Variants in PPM1H observed in about 807,000 individuals in gnomAD.
The protein encoded by PPM1H is protein phosphatase, Mg2+/Mn2+ dependent 1H.
In PPM1H, 27 loss-of-function variants were observed where a neutral mutation model predicts 54.9. The ratio of observed to expected loss-of-function variants is 0.49; its 90% CI spans 0.36 to 0.68. PPM1H has a LOEUF of 0.68. PPM1H is among the 30% of genes least tolerant of loss of function. The probability of loss-of-function intolerance (pLI) is 0.00; values close to 1 mark genes in which losing one functional copy is unlikely to be tolerated. For synonymous variants in PPM1H, 305 were observed against 270.8 expected (o/e 1.13, Z -1.24); for missense variants, 596 against 667.8 (o/e 0.89, Z 1.19).
chr12:62,757,258 T>G (rs1226209290), intron 4 of PPM1H, among the ~76,000 whole-genome samples: 1 of 151,972 alleles, frequency 6.6e-6, no homozygotes, highest in Admixed American at 6.5e-5. Context: ...AAATCAGGAG[T>G]GTGATTTTTG....
intron 4 of PPM1H, among the ~76,000 whole-genome samples, chr12:62,754,336 C>T (rs988703578): frequency 2.6e-5 from 4 of 152,092 alleles, no homozygotes; most frequent in Non-Finnish European, 4.4e-5. Context: ...GAGGCTGAGA[C>T]GGGAGGATCA....
intron 4 of PPM1H, chr12:62,755,081 G>C (rs983145177): frequency 2.8e-6 from 1 of 356,622 alleles, no homozygotes; most frequent in Non-Finnish European, 5.4e-6. Flanking sequence ...GCCAGTGATC[G>C]TCTTTGGATG....
intron 1 of PPM1H, among the ~76,000 whole-genome samples, chr12:62,886,608 C>T (rs1870598794): frequency 6.6e-6 from 1 of 152,130 alleles, no homozygotes; most frequent in Admixed American, 6.6e-5. Context: ...CCAGAAATGT[C>T]AATCAATCAG....
chr12:62,659,031 A>T (rs2075864147), intron 9 of PPM1H: 4 of 725,856 alleles, frequency 5.5e-6, no homozygotes, highest in South Asian at 5.4e-5. Flanking sequence ...CATGCTGCCC[A>T]GTGGCTTCCG....
intron 5 of PPM1H, among the ~76,000 whole-genome samples, chr12:62,729,077 G>T (rs2076305928): frequency 6.6e-6 from 1 of 152,166 alleles, no homozygotes; most frequent in African/African-American, 2.4e-5. Flanking sequence ...CATATGCTAA[G>T]TACCAGGGAC....
At chr12:62,738,921 A>AC (rs2076365491) in intron 4 of PPM1H, among the ~76,000 whole-genome samples, 1 of 130,298 alleles carries the variant, frequency 7.7e-6, no homozygotes, top group Non-Finnish European at 1.6e-5. Flanking sequence ...TCATGACCCC[A>AC]CCCCCAACCC....
intron 1 of PPM1H, among the ~76,000 whole-genome samples, chr12:62,925,283 A>G (rs1193490688): frequency 6.6e-5 from 10 of 152,102 alleles, no homozygotes; most frequent in Admixed American, 6.5e-4. Flanking sequence ...AAAGAAATAA[A>G]ATAACAGGGA....
At chr12:62,763,929 C>G (rs1047521634) in intron 4 of PPM1H, among the ~76,000 whole-genome samples, 4 of 152,150 alleles carry the variant, frequency 2.6e-5, no homozygotes, top group African/African-American at 9.7e-5. Flanking sequence ...GAGCCGACGT[C>G]CTAAGATAGA....
chr12:62,878,017 C>G (rs764082136), intron 1 of PPM1H, among the ~76,000 whole-genome samples: 14 of 151,750 alleles, frequency 9.2e-5, no homozygotes, highest in Non-Finnish European at 2.1e-4. Flanking sequence ...CCTGTCTCAG[C>G]CTCCTGAGTT....
At chr12:62,841,588 T>C (rs1187004000) in intron 1 of PPM1H, among the ~76,000 whole-genome samples, 1 of 152,176 alleles carries the variant, frequency 6.6e-6, no homozygotes, top group African/African-American at 2.4e-5. Context: ...TTATCTGAAA[T>C]TGTTTTTGCA....
At chr12:62,663,047 G>T (rs1433908958) in intron 9 of PPM1H, among the ~76,000 whole-genome samples, 1 of 152,032 alleles carries the variant, frequency 6.6e-6, no homozygotes, top group Admixed American at 6.6e-5. Context: ...CTGTTAATGA[G>T]CACAGCTTTG....
At position 62,655,816 on chromosome 12, in the gene PPM1H, A is replaced by G. The variant is rs541649374; in HGVS notation, c.1398-7180T>C. On this transcript the variant is annotated intron_variant, in intron 9 of 9. Transcript: ENST00000228705. ...AACTGCGGAGGAGTTTGAAATGCCC[A>G]CTCCTAATGAAGAGTCTCCCCAGGA... 3.3e-5 allele frequency among the ~76,000 whole-genome samples: 5 copies of G among 152,190 alleles called. No homozygotes were observed. The East Asian group carries it at 5.8e-4, about 18-fold the overall frequency.
intron 4 of PPM1H, among the ~76,000 whole-genome samples, chr12:62,771,661 T>C (rs1242061576): frequency 2.0e-5 from 3 of 152,224 alleles, no homozygotes; most frequent in African/African-American, 7.2e-5. Context: ...GCAGAAATAA[T>C]ATATTGATAA....
At chr12:62,797,455 A>C (rs576342766) in intron 3 of PPM1H, among the ~76,000 whole-genome samples, 223 of 152,224 alleles carry the variant, frequency 1.5e-3, no homozygotes, top group Non-Finnish European at 2.8e-3. Context: ...CCTAAAGGAC[A>C]TCTAGAAACA....
At chr12:62,879,192 TC>T (rs1870301807) in intron 1 of PPM1H, among the ~76,000 whole-genome samples, 1 of 152,182 alleles carries the variant, frequency 6.6e-6, no homozygotes, top group Non-Finnish European at 1.5e-5. Context: ...CTATTTTCCT[TC>T]TCTATCCTCC....
intron 1 of PPM1H, among the ~76,000 whole-genome samples, chr12:62,865,365 G>A (rs987903147): frequency 6.6e-6 from 1 of 151,968 alleles, no homozygotes; most frequent in African/African-American, 2.4e-5. Context: ...CCCCATCACC[G>A]TCACTGTCTG....
intron 6 of PPM1H, among the ~76,000 whole-genome samples, chr12:62,708,913 T>C (rs541196607): frequency 6.6e-5 from 10 of 152,296 alleles, no homozygotes; most frequent in Non-Finnish European, 1.3e-4. Context: ...TGGATATACA[T>C]ATTGTCAGCT....
At chr12:62,733,923 C>A (rs1373490134) in intron 5 of PPM1H, among the ~76,000 whole-genome samples, 1 of 152,110 alleles carries the variant, frequency 6.6e-6, no homozygotes, top group African/African-American at 2.4e-5. Context: ...AAAAAAATTA[C>A]CCTGGTTTGC....
At chr12:62,666,565 A>G (rs993981136) in intron 9 of PPM1H, among the ~76,000 whole-genome samples, 3 of 152,218 alleles carry the variant, frequency 2.0e-5, no homozygotes, top group Admixed American at 2.0e-4. Flanking sequence ...AGGATCAGAA[A>G]TGGGATTATT....
Sources: gnomAD v4.1 joint callset for allele counts (sites outside exome capture counted in the v4.1 genomes callset) on GRCh38, gnomAD v4.1.1 for gene constraint, MANE v1.5 for transcripts, NCBI Gene and HGNC (gene_info 2026-07-23, HGNC 2026-07-21) for gene names.